PCDH15: variants seen among roughly 807,000 people sequenced by gnomAD.
PCDH15 encodes the protein protocadherin related 15, also known as protocadherin-15.
Under a neutral mutation model 178.5 loss-of-function variants are expected in PCDH15, and 129 were observed. That is an observed-to-expected ratio of 0.72 (90% CI 0.63 to 0.84). PCDH15 has a LOEUF of 0.84. PCDH15 is among the 40% of genes least tolerant of loss of function. PCDH15 has a pLI of 0.00. For missense variants in PCDH15, 2,230 were observed against 2,099.9 expected, an observed-to-expected ratio of 1.06 and a Z score of -1.21; for synonymous variants, 800 against 732.0, an observed-to-expected ratio of 1.09 and a Z score of -1.50.
chr10:55,582,921 T>C (rs1473429514), intron 2 of PCDH15, among the ~76,000 whole-genome samples: 1 of 152,010 alleles, frequency 6.6e-6, no homozygotes, highest in Non-Finnish European at 1.5e-5. Flanking sequence ...GCCATTAATA[T>C]ATTCACAAAA....
chr10:54,363,931 G>A (rs1946427588), intron 5 of PCDH15, among the ~76,000 whole-genome samples: 1 of 151,872 alleles, frequency 6.6e-6, no homozygotes, highest in African/African-American at 2.4e-5. Context: ...AAAAAATATT[G>A]GACGGTCACA....
intron 2 of PCDH15, among the ~76,000 whole-genome samples, chr10:55,353,119 C>A (rs1293767094): frequency 6.6e-6 from 1 of 152,132 alleles, no homozygotes; most frequent in Admixed American, 6.6e-5. Flanking sequence ...ATCCGACTAC[C>A]ACTTCTTCAA....
At chr10:55,301,061 C>G (rs1843264136) in intron 1 of PCDH15, among the ~76,000 whole-genome samples, 1 of 152,172 alleles carries the variant, frequency 6.6e-6, no homozygotes, top group African/African-American at 2.4e-5. Flanking sequence ...CTACCATAAA[C>G]AAACATTTGT....
chr10:54,567,905 C>A (rs968854989), intron 2 of PCDH15, among the ~76,000 whole-genome samples: 2 of 152,092 alleles, frequency 1.3e-5, no homozygotes, highest in African/African-American at 4.8e-5. Context: ...AAGCTTTCAT[C>A]CTCTAAGGCT....
chr10:54,843,643 A>G (rs1226518900), intron 3 of PCDH15, among the ~76,000 whole-genome samples: 1 of 152,028 alleles, frequency 6.6e-6, no homozygotes, highest in Non-Finnish European at 1.5e-5. Flanking sequence ...ACATTTTATA[A>G]CATAGAGTGA....
At chr10:54,505,734 G>A (rs1202028651) in intron 3 of PCDH15, among the ~76,000 whole-genome samples, 3 of 151,996 alleles carry the variant, frequency 2.0e-5, no homozygotes, top group Admixed American at 1.3e-4. Context: ...ACCATAGCAC[G>A]TGTATACCTG....
chr10:54,239,263 T>A (rs980273935), intron 8 of PCDH15, among the ~76,000 whole-genome samples: 1 of 151,964 alleles, frequency 6.6e-6, no homozygotes, highest in Non-Finnish European at 1.5e-5. Context: ...CTTTCTATAA[T>A]ATATAGAATT....
chr10:54,644,488 A>T (rs1365947728), intron 2 of PCDH15, among the ~76,000 whole-genome samples: 4 of 151,936 alleles, frequency 2.6e-5, no homozygotes, highest in African/African-American at 7.2e-5. Context: ...AAGGTCAACA[A>T]AGAGTATTTA....
intron 2 of PCDH15, among the ~76,000 whole-genome samples, chr10:54,621,505 T>A (rs1180252193): frequency 6.6e-6 from 1 of 152,060 alleles, no homozygotes; most frequent in Non-Finnish European, 1.5e-5. Flanking sequence ...TAAAATCAGA[T>A]GTTTTAAGCA....
In PCDH15 at chr10:54,562,578, G is replaced by C. The variant is rs574329761; in HGVS notation, c.92-34701C>G. Reference sequence around the variant, plus strand: ...CTAGGAAAGTGTGTTTTTCAAAATGGGCATGAAGACATTAGTTTCACAACA... The same window carrying C: ...CTAGGAAAGTGTGTTTTTCAAAATGCGCATGAAGACATTAGTTTCACAACA... On this transcript the variant is annotated intron_variant, in intron 2 of 37. Coordinates refer to ENST00000644397, the MANE Select transcript of PCDH15 (RefSeq NM_001384140.1). 2.0e-5 allele frequency among the ~76,000 whole-genome samples: 3 copies of C among 151,854 alleles called. No homozygotes were observed. In the South Asian group the frequency reaches 6.2e-4, roughly 32 times the overall value.
chr10:55,284,999 C>G (rs1028763873), intron 1 of PCDH15, among the ~76,000 whole-genome samples: 1 of 151,470 alleles, frequency 6.6e-6, no homozygotes, highest in Admixed American at 6.6e-5. Context: ...GAAGTGAGAT[C>G]GCTTCAAATT....
intron 2 of PCDH15, among the ~76,000 whole-genome samples, chr10:54,579,371 A>G (rs1262029104): frequency 6.6e-6 from 1 of 152,152 alleles, no homozygotes; most frequent in African/African-American, 2.4e-5. Context: ...ATTTAAACCA[A>G]TAATAATAAA....
rs538183041 is a variant in PCDH15, at chr10:53,843,628, G to T, written c.3807-3132C>A. On this transcript the variant is annotated intron_variant, in intron 28 of 37. Coordinates refer to ENST00000644397, the MANE Select transcript of PCDH15 (RefSeq NM_001384140.1). ...ATATTTCTTTATAATGGGAATAAAA[G>T]AACAATATAGTTATATTTTTAAAAA... Among the ~76,000 whole-genome samples the T allele has an allele frequency of 3.5e-4, 53 of 151,940 alleles. 1 individual carries two copies. The highest frequency in any genetic ancestry group is 1.2e-3 in the African/African-American group (51 of 41,476).
At chr10:55,515,505 A>T (rs1840991740) in intron 2 of PCDH15, among the ~76,000 whole-genome samples, 1 of 151,950 alleles carries the variant, frequency 6.6e-6, no homozygotes, top group African/African-American at 2.4e-5. Context: ...GGAAAATATT[A>T]TTTTTTTCAT....
chr10:54,178,842 GAAATGC>G (rs2047697464), intron 13 of PCDH15, among the ~76,000 whole-genome samples: 1 of 152,124 alleles, frequency 6.6e-6, no homozygotes, highest in African/African-American at 2.4e-5. Flanking sequence ...GGCCATCAGA[GAAATGC>G]AAATCAAAAC....
In PCDH15 at chr10:54,799,955, C is replaced by T. The variant is rs148284093; in HGVS notation, c.-29+970G>A. ...TTGCGCTCAAAATATGCCTCTTTTA[C>T]AGATTATTTGTTTCTCTAATGTTAA... On this transcript the variant is annotated intron_variant, in intron 1 of 37. Transcript: ENST00000644397. Among the ~76,000 whole-genome samples, 121 of 152,262 alleles carry T rather than the reference C, an allele frequency of 7.9e-4. 1 individual carries two copies. The East Asian group carries it at 0.023, about 29-fold the overall frequency.
intron 11 of PCDH15, among the ~76,000 whole-genome samples, chr10:54,194,685 T>G (rs1165359810): frequency 6.6e-6 from 1 of 150,930 alleles, no homozygotes; most frequent in Non-Finnish European, 1.5e-5. Context: ...TCTATCTATC[T>G]ATCTATATCT....
chr10:54,057,085 G>A (rs1231319523), intron 18 of PCDH15, among the ~76,000 whole-genome samples: 1 of 152,168 alleles, frequency 6.6e-6, no homozygotes, highest in East Asian at 1.9e-4. Context: ...GAAGGGTAAA[G>A]CTCCCACTCC....
intron 2 of PCDH15, among the ~76,000 whole-genome samples, chr10:54,628,199 A>G (rs1482187103): frequency 6.6e-6 from 1 of 152,212 alleles, no homozygotes; most frequent in African/African-American, 2.4e-5. Flanking sequence ...GTGTGGGCAA[A>G]GCAAAGAATG....
Sources: gnomAD v4.1 joint callset for allele counts (sites outside exome capture counted in the v4.1 genomes callset) on GRCh38, gnomAD v4.1.1 for gene constraint, MANE v1.5 for transcripts, NCBI Gene and HGNC (gene_info 2026-07-23, HGNC 2026-07-21) for gene names.